Variants in FAM81B observed in about 807,000 individuals in gnomAD.
The protein encoded by FAM81B is family with sequence similarity 81 member B.
Under a neutral mutation model 58.7 loss-of-function variants are expected in FAM81B, and 60 were observed. The observed-to-expected ratio is 1.02, with a 90% CI of 0.83 to 1.27. FAM81B has a LOEUF of 1.27. Ranked by LOEUF, FAM81B falls within the 50% of genes most tolerant of loss-of-function variation. The pLI is 0.00. For missense variants in FAM81B, 491 were observed against 522.0 expected, an observed-to-expected ratio of 0.94 and a Z score of 0.58; for synonymous variants, 189 against 179.6, an observed-to-expected ratio of 1.05 and a Z score of -0.42.
intron 6 of FAM81B, among the ~76,000 whole-genome samples, chr5:95,429,074 C>A (rs1471990981): frequency 6.6e-6 from 1 of 152,112 alleles, no homozygotes; most frequent in African/African-American, 2.4e-5. Context: ...CCCATGGAAG[C>A]TATTATTATT....
intron 6 of FAM81B, among the ~76,000 whole-genome samples, chr5:95,431,001 T>A (rs1170922941): frequency 6.6e-6 from 1 of 152,124 alleles, no homozygotes; most frequent in Non-Finnish European, 1.5e-5. Context: ...TTTGGTGAAC[T>A]ATCTGTTTAT....
intron 4 of FAM81B, among the ~76,000 whole-genome samples, chr5:95,417,025 C>T (rs764315766): frequency 2.0e-5 from 3 of 152,114 alleles, no homozygotes; most frequent in Non-Finnish European, 2.9e-5. Flanking sequence ...GCCTGGGCGA[C>T]GGAGACCCTG....
chr5:95,413,350 G>A (rs1454193255), intron 3 of FAM81B, among the ~76,000 whole-genome samples: 1 of 152,058 alleles, frequency 6.6e-6, no homozygotes, highest in African/African-American at 2.4e-5. Context: ...TTAAACTTTA[G>A]GAATTTCAAT....
Position 95,420,574 on chromosome 5 carries a change from G to A in FAM81B, c.656+172G>A, listed in dbSNP as rs62365044. On this transcript the variant is annotated intron_variant, in intron 5 of 9. Transcript: ENST00000283357. ...AGAACTTTCAATGCCTCACGCTAGC[G>A]GTGAGATTCAAAGTTTCTGTAAAGA... is the stretch of plus-strand genomic sequence containing the variant. Among the ~76,000 whole-genome samples, 551 of 152,028 alleles carry A rather than the reference G, an allele frequency of 3.6e-3. 4 individuals carry two copies. Among genetic ancestry groups the A allele is most frequent in the South Asian group, 0.011 (55 of 4,822 alleles).
chr5:95,444,955 C>T (rs1212791172), intron 7 of FAM81B, among the ~76,000 whole-genome samples: 1 of 152,084 alleles, frequency 6.6e-6, no homozygotes, highest in Non-Finnish European at 1.5e-5. Flanking sequence ...CCAGTAACAC[C>T]TCTCAGTTGT....
Position 95,391,412 on chromosome 5 carries a change from C to A in FAM81B, c.23C>A (p.Thr8Lys). ...AGGATGCAATTACAATTCCTTGGTA[C>A]ATTGGCTTCCTCAGAAAAAAGAAAA... is the stretch of plus-strand genomic sequence containing the variant. MQLQFLG[T>K]LASSEKRKKS... is the part of the protein sequence containing the mutation. Residue 8 changes from threonine (T) to lysine (K), a missense_variant, in exon 1 of 10, where the codon ACA becomes AAA. Coordinates refer to ENST00000283357, the MANE Select transcript of FAM81B (RefSeq NM_152548.3). 1 of 1,613,526 alleles carries A rather than the reference C, an allele frequency of 6.2e-7. No homozygotes were observed. The highest frequency in any genetic ancestry group is 8.5e-7 in the Non-Finnish European group (1 of 1,179,632).
rs551644728 is a variant in FAM81B, at chr5:95,421,737, A to G, written c.656+1335A>G. Among the ~76,000 whole-genome samples the G allele has an allele frequency of 1.4e-4, 22 of 152,354 alleles. No individual in the cohort carries two copies. The South Asian group carries it at 4.6e-3, about 32-fold the overall frequency. ...TGTACCAATCCAGGTGAGAAGTGGC[A>G]GGGCCTAAACCAAGGCACTAGCCAT... On this transcript the variant is annotated intron_variant, in intron 5 of 9. Transcript: ENST00000283357.
chr5:95,446,824 TA>T, intron 8 of FAM81B, 127 bp downstream of exon 8: 1 of 1,109,406 alleles, frequency 9.0e-7, no homozygotes, highest in Non-Finnish European at 1.3e-6. Flanking sequence ...TTTTTTTTTT[TA>T]AACACCACAA....
At chr5:95,416,920 T>A (rs1200761049) in intron 4 of FAM81B, among the ~76,000 whole-genome samples, 1 of 152,048 alleles carries the variant, frequency 6.6e-6, no homozygotes, top group Non-Finnish European at 1.5e-5. Flanking sequence ...AGTGCACGCC[T>A]ATAGACACAG....
intron 9 of FAM81B, among the ~76,000 whole-genome samples, chr5:95,449,115 T>C (rs1745697351): frequency 6.6e-6 from 1 of 152,200 alleles, no homozygotes; most frequent in Non-Finnish European, 1.5e-5. Context: ...AAGAGTTTCT[T>C]TCCTAGAGAA....
At position 95,448,654 on chromosome 5, in the gene FAM81B, T is replaced by G. The variant is rs1028037372; in HGVS notation, c.1225+190T>G. 4.6e-6 allele frequency: 3 copies of G among 653,988 alleles called. No homozygotes were observed. In the African/African-American group the frequency reaches 5.5e-5, roughly 12 times the overall value. The allele number at this position is 653,988 out of a possible 1,614,324, so 40.5% of individuals were successfully genotyped here. ...GGAAGGCATATAAATAAATTAACTT[T>G]CTTCACTTGGCAATGTCACAGGCCT... On this transcript the variant is annotated intron_variant, in intron 9 of 9. Coordinates refer to ENST00000283357, the MANE Select transcript of FAM81B (RefSeq NM_152548.3).
At chr5:95,392,719 T>TA (rs953023524) in intron 1 of FAM81B, 75 bp from the exon 2 acceptor site, 343 of 1,260,084 alleles carry the variant, frequency 2.7e-4, no homozygotes, top group African/African-American at 5.5e-4. Context: ...TGCCCTCAAT[T>TA]AAAAAAAAAT....
chr5:95,448,693 ATT>A (rs56864403), intron 9 of FAM81B: 18,080 of 382,868 alleles, frequency 0.047, 4 homozygotes, highest in South Asian at 0.058. Context: ...ATTGGTGTGA[ATT>A]TTTTTTTTTT....
intron 5 of FAM81B, among the ~76,000 whole-genome samples, chr5:95,421,425 T>C (rs1050611801): frequency 2.0e-5 from 3 of 152,188 alleles, no homozygotes; most frequent in African/African-American, 7.2e-5. Flanking sequence ...GAGGGAAGGA[T>C]CACTGTGACA....
At chr5:95,395,682 C>T (rs60865189) in intron 2 of FAM81B, among the ~76,000 whole-genome samples, 1,889 of 152,204 alleles carry the variant, frequency 0.012, 47 homozygotes, top group African/African-American at 0.044. Flanking sequence ...AATCTGACAT[C>T]CAGGTACTTG....
Position 95,450,284 on chromosome 5 carries a change from C to G in FAM81B, c.*2C>G, listed in dbSNP as rs778124684. On this transcript the variant is annotated 3_prime_UTR_variant, in exon 10 of 10. Transcript: ENST00000283357. ...ATAGTGGAACTCCAGGAAGTATAAA[C>G]CTTTTCAGTCATCTTCTTTTTCATC... The G allele has an allele frequency of 6.2e-7, 1 of 1,610,552 alleles. No homozygotes were observed. The highest frequency in any genetic ancestry group is 8.5e-7 in the Non-Finnish European group (1 of 1,178,838).
chr5:95,409,486 T>TTTTTTTTTTTTTTTTTTTTTTAG (rs1554043553), intron 3 of FAM81B, among the ~76,000 whole-genome samples: 2 of 151,514 alleles, frequency 1.3e-5, no homozygotes, highest in African/African-American at 4.8e-5. Flanking sequence ...GAATTTTTCT[T>TTTTTTTTTTTTTTTTTTTTTTAG]AATGTGGCTA....
At chr5:95,417,438 T>G (rs966652114) in intron 4 of FAM81B, among the ~76,000 whole-genome samples, 2 of 152,176 alleles carry the variant, frequency 1.3e-5, no homozygotes, top group African/African-American at 4.8e-5. Context: ...TTGGGAGGAT[T>G]GCTTGAGGCC....
At chr5:95,428,321 G>A (rs1311600648) in intron 5 of FAM81B, among the ~76,000 whole-genome samples, 1 of 152,118 alleles carries the variant, frequency 6.6e-6, no homozygotes, top group African/African-American at 2.4e-5. Context: ...TTAATATCAA[G>A]CTGAAAATGT....
Sources: gnomAD v4.1 joint callset for allele counts (sites outside exome capture counted in the v4.1 genomes callset) on GRCh38, gnomAD v4.1.1 for gene constraint, MANE v1.5 for transcripts, NCBI Gene and HGNC (gene_info 2026-07-23, HGNC 2026-07-21) for gene names.